Variants in TESPA1 observed in about 807,000 individuals in gnomAD.
TESPA1 encodes the protein thymocyte expressed, positive selection associated 1.
In TESPA1, 33 loss-of-function variants were observed where a neutral mutation model predicts 57.9. That is an observed-to-expected ratio of 0.57 (90% CI 0.43 to 0.76). The LOEUF (loss-of-function observed/expected upper bound fraction) is 0.76. TESPA1 is among the 30% of genes least tolerant of loss of function. TESPA1 has a pLI of 0.00. For missense variants in TESPA1, 618 were observed against 632.9 expected (o/e 0.98, Z 0.25); for synonymous variants, 227 against 228.9 (o/e 0.99, Z 0.07).
At chr12:54,961,563 C>T (rs1288268527) in intron 9 of TESPA1, among the ~76,000 whole-genome samples, 3 of 152,190 alleles carry the variant, frequency 2.0e-5, no homozygotes, top group Non-Finnish European at 2.9e-5. Context: ...CTTCCATAGA[C>T]CCAGGCGAGA....
rs753897433 is a variant in TESPA1 at position 54,962,613 on chromosome 12, C to T, written c.1285G>A (p.Glu429Lys). 4 of 1,613,870 alleles carry T rather than the reference C, an allele frequency of 2.5e-6. No homozygotes were observed. The African/African-American group carries it at 4.0e-5, about 16-fold the overall frequency. The part of the protein sequence containing the change: ...TNTETHPAKD[E>K]TFWKRKSRAR... ...CTGCTCTTTCTTTTCCAGAAAGTCT[C>T]ATCCTTGGCTGGATGGGTTTCCGTA... The change falls in exon 9 of 11, where the codon GAG (glutamate) becomes AAG (lysine). Residue 429 changes from glutamate (E) to lysine (K), a missense_variant. Transcript: ENST00000449076.
chr12:54,972,186 AG>A, intron 3 of TESPA1, among the ~76,000 whole-genome samples: 1 of 152,318 alleles, frequency 6.6e-6, no homozygotes, highest in South Asian at 2.1e-4. Context: ...ATTTTGGTTC[AG>A]GGTTTATCTT....
intron 3 of TESPA1, among the ~76,000 whole-genome samples, chr12:54,972,321 A>AC (rs1951880378): frequency 6.6e-6 from 1 of 152,146 alleles, no homozygotes; most frequent in Non-Finnish European, 1.5e-5. Context: ...ACTACTTGGC[A>AC]CCCCTCTAGG....
chr12:54,961,412 A>C (rs1951066599), intron 9 of TESPA1, 145 bp from the exon 10 acceptor site: 1 of 789,344 alleles, frequency 1.3e-6, no homozygotes, highest in South Asian at 1.7e-5. Context: ...CACAGTAATG[A>C]GGAAGGCAGG....
In TESPA1 at chr12:54,973,471, A is replaced by G. The variant is rs1315842622; in HGVS notation, c.206+6T>C. The G allele has an allele frequency of 1.2e-6, 2 of 1,614,022 alleles. No homozygotes were observed. The highest frequency in any genetic ancestry group is 1.6e-4 in the Middle Eastern group (1 of 6,062). On this transcript the variant is annotated splice_donor_region_variant and intron_variant, in intron 3 of 10. Transcript: ENST00000449076. Reference sequence around the variant, plus strand: ...CATACCACCCCATTGCCTGTCCAGCACTTACCCGCAATCCTGCAGCCAGTC... The same window carrying G: ...CATACCACCCCATTGCCTGTCCAGCGCTTACCCGCAATCCTGCAGCCAGTC...
At chr12:54,974,737 G>A (rs12810984) in intron 1 of TESPA1, 130 bp from the exon 2 acceptor site, 57,585 of 521,014 alleles carry the variant, frequency 0.11, 3,481 homozygotes, top group Middle Eastern at 0.14. Flanking sequence ...CAAAAGCAGG[G>A]AGGACATGCC....
In TESPA1 at chr12:54,948,640, C is replaced by T. The variant is rs1950213224; in HGVS notation, c.*1752G>A. On this transcript the variant is annotated 3_prime_UTR_variant, in exon 11 of 11. Coordinates refer to ENST00000449076, the MANE Select transcript of TESPA1 (RefSeq NM_001136030.3). The stretch of plus-strand genomic sequence containing the variant: ...ACCATGAGTTAAAGCTCCCTGAGGC[C>T]TCCCCAGAAACTGATGTTGCCATGC... The T allele has an allele frequency of 6.6e-6, 1 of 152,368 alleles. No individual in the cohort carries two copies. The highest frequency in any genetic ancestry group is 2.1e-4 in the South Asian group (1 of 4,830). The allele number at this position is 152,368 out of a possible 1,614,324, so 9.4% of individuals were successfully genotyped here.
intron 1 of TESPA1, among the ~76,000 whole-genome samples, chr12:54,982,746 T>C (rs1410791433): frequency 6.6e-6 from 1 of 152,244 alleles, no homozygotes; most frequent in East Asian, 1.9e-4. Flanking sequence ...AACCATTGTG[T>C]TAGCTCTGTG....
intron 10 of TESPA1, among the ~76,000 whole-genome samples, chr12:54,956,089 T>C (rs1950718044): frequency 6.6e-6 from 1 of 152,258 alleles, no homozygotes; most frequent in Admixed American, 6.5e-5. Context: ...TATATTGTTA[T>C]TGGTAATATT....
At chr12:54,955,116 G>A (rs953164349) in intron 10 of TESPA1, among the ~76,000 whole-genome samples, 5 of 152,094 alleles carry the variant, frequency 3.3e-5, no homozygotes, top group Non-Finnish European at 5.9e-5. Context: ...TTCACTAATA[G>A]CCATCCTAAC....
Position 54,963,084 on chromosome 12 carries a change from G to A in TESPA1, c.814C>T (p.Arg272Ter), listed in dbSNP as rs759038034. The A allele has an allele frequency of 2.0e-5, 32 of 1,613,812 alleles. No homozygotes were observed. In the Middle Eastern group the frequency reaches 4.9e-4, roughly 25 times the overall value. Residue 272 changes from arginine (R) to a stop codon, truncating the protein, a stop_gained, in exon 9 of 11, where the codon CGA (arginine) becomes TGA (stop). Coordinates refer to ENST00000449076, the MANE Select transcript of TESPA1 (RefSeq NM_001136030.3). LOFTEE classifies it high-confidence loss of function. Reference protein sequence around the residue: ...TDVPSIRILSREPEPQSPRDR... With the variant: ...TDVPSIRILS ...CTGGGTGACTGGGGTTCAGGCTCTC[G>A]GGACAGAATCCTGATGGATGGCACA...
intron 5 of TESPA1, 140 bp downstream of exon 5, chr12:54,967,043 A>G (rs1951484372): frequency 1.1e-6 from 1 of 880,104 alleles, no homozygotes; most frequent in Non-Finnish European, 1.8e-6. Flanking sequence ...TTAGATAATA[A>G]TGAGACTGCC....
At chr12:54,975,649 A>T (rs919212598) in intron 1 of TESPA1, among the ~76,000 whole-genome samples, 1 of 151,776 alleles carries the variant, frequency 6.6e-6, no homozygotes, top group Non-Finnish European at 1.5e-5. Flanking sequence ...TGCCATAAAC[A>T]ACATCATCTT....
intron 3 of TESPA1, among the ~76,000 whole-genome samples, chr12:54,969,054 T>TTTA (rs1222110832): frequency 9.0e-6 from 1 of 110,554 alleles, no homozygotes; most frequent in African/African-American, 4.1e-5. Context: ...TATGTGTGTG[T>TTTA]GTAGATAGAT....
chr12:54,974,592 T>C lies in TESPA1; in HGVS notation c.-30A>G. The stretch of plus-strand genomic sequence containing the variant: ...CTGGCTCAGACTTCAGGGCCTCCCG[T>C]AACAGTAATGCCGTCCTAAGAGTTG... On this transcript the variant is annotated 5_prime_UTR_variant, in exon 2 of 11. Transcript: ENST00000449076. The C allele has an allele frequency of 6.6e-7, 1 of 1,507,132 alleles. No individual in the cohort carries two copies. The highest frequency in any genetic ancestry group is 8.9e-7 in the Non-Finnish European group (1 of 1,124,572). The allele number at this position is 1,507,132 out of a possible 1,614,324, so 93.4% of individuals were successfully genotyped here.
chr12:54,973,071 G>A (rs1201189563), intron 3 of TESPA1, among the ~76,000 whole-genome samples: 1 of 152,168 alleles, frequency 6.6e-6, no homozygotes, highest in African/African-American at 2.4e-5. Flanking sequence ...CTCTGCAGTA[G>A]AAATAAATAA....
chr12:54,973,326 G>T (rs1482371617), intron 3 of TESPA1, 151 bp downstream of exon 3: 2 of 1,128,470 alleles, frequency 1.8e-6, no homozygotes, highest in Non-Finnish European at 2.6e-6. Flanking sequence ...CCCTAAACCC[G>T]CAACACCCCT....
intron 10 of TESPA1, among the ~76,000 whole-genome samples, chr12:54,956,315 C>A (rs1048776589): frequency 2.6e-5 from 4 of 152,190 alleles, no homozygotes; most frequent in African/African-American, 9.7e-5. Context: ...AAAATGAAAA[C>A]TTCCACCTCT....
chr12:54,953,541 G>A (rs909533375), intron 10 of TESPA1, among the ~76,000 whole-genome samples: 203 of 99,656 alleles, frequency 2.0e-3, no homozygotes, highest in African/African-American at 9.5e-3. Flanking sequence ...TTTTTGAGAC[G>A]GAGTCTCGCT....
Sources: gnomAD v4.1 joint callset for allele counts (sites outside exome capture counted in the v4.1 genomes callset) on GRCh38, gnomAD v4.1.1 for gene constraint, MANE v1.5 for transcripts, NCBI Gene and HGNC (gene_info 2026-07-23, HGNC 2026-07-21) for gene names.